The following AUTS2 variants were observed in gnomAD, a reference collection of about 807,000 sequenced individuals.
AUTS2 encodes the protein autism susceptibility gene 2 protein.
AUTS2 carries 17 observed loss-of-function variants against 112.4 expected under a neutral mutation model. That is an observed-to-expected ratio of 0.15 (90% CI 0.10 to 0.23). The LOEUF (loss-of-function observed/expected upper bound fraction) is 0.23. Among genes scored for constraint, AUTS2 ranks in the 10% least tolerant of loss-of-function variants. The probability of loss-of-function intolerance (pLI) is 1.00; values close to 1 mark genes in which losing one functional copy is unlikely to be tolerated. For synonymous variants in AUTS2, 751 were observed against 702.7 expected (o/e 1.07, Z -1.09); for missense variants, 1,510 against 1,701.6 (o/e 0.89, Z 1.98).
chr7:69,599,761 C>T lies in AUTS2; in HGVS notation c.108C>T (p.Gly36=). 7.3e-7 allele frequency: 1 copy of T among 1,377,438 alleles called. No individual in the cohort carries two copies. Among genetic ancestry groups the T allele is most frequent in the East Asian group, 3.1e-5 (1 of 32,610 alleles). The allele number at this position is 1,377,438 out of a possible 1,614,324, so 85.3% of individuals were successfully genotyped here. Residue 36 remains glycine (G), a synonymous_variant, in exon 1 of 19, where the codon GGC becomes GGT. Transcript: ENST00000342771. The surrounding 1 kb of genome is among the most constrained non-coding windows in gnomAD (Gnocchi z 7.0). ...GCGGGCTGGGGGCCGGCGCGGCCGGCGGCGGCGGGGCTGGCCGGACCCGGG... is the reference window on the plus strand; with the variant it reads ...GCGGGCTGGGGGCCGGCGCGGCCGGTGGCGGCGGGGCTGGCCGGACCCGGG... The part of the protein sequence containing the change: ...SRGGLGAGAA[G]GGGAGRTRAL...
At chr7:70,086,387 A>G (rs1803601842) in intron 2 of AUTS2, among the ~76,000 whole-genome samples, 1 of 152,194 alleles carries the variant, frequency 6.6e-6, no homozygotes, top group Non-Finnish European at 1.5e-5. Flanking sequence ...CACGCCTGTA[A>G]TCCTAGCACT....
intron 5 of AUTS2, among the ~76,000 whole-genome samples, chr7:70,668,964 A>G: frequency 6.6e-6 from 1 of 152,224 alleles, no homozygotes; most frequent in South Asian, 2.1e-4. Flanking sequence ...GCAATCCCTT[A>G]CAGGCGAAGA....
intron 6 of AUTS2, among the ~76,000 whole-genome samples, chr7:70,711,424 C>T (rs1370714123): frequency 6.6e-6 from 1 of 152,178 alleles, no homozygotes; most frequent in Non-Finnish European, 1.5e-5. Flanking sequence ...CACCTGAGGG[C>T]CTCATTATGC....
chr7:70,590,881 C>T (rs1802910836), intron 5 of AUTS2, among the ~76,000 whole-genome samples: 1 of 152,142 alleles, frequency 6.6e-6, no homozygotes, highest in South Asian at 2.1e-4. Flanking sequence ...TTTCAGAGTG[C>T]CATCGGTTTC....
At chr7:70,740,623 A>T (rs1163499243) in intron 6 of AUTS2, among the ~76,000 whole-genome samples, 1 of 152,082 alleles carries the variant, frequency 6.6e-6, no homozygotes, top group Non-Finnish European at 1.5e-5. Context: ...CTGCTTATTG[A>T]TAGTTTATTA....
At chr7:70,356,916 CGAAGG>C (rs1792037828) in intron 4 of AUTS2, among the ~76,000 whole-genome samples, 1 of 152,096 alleles carries the variant, frequency 6.6e-6, no homozygotes, top group Non-Finnish European at 1.5e-5. Context: ...TAGAATTTCA[CGAAGG>C]TTTTCCTGTT....
chr7:69,683,749 C>A (rs975372757), intron 1 of AUTS2, among the ~76,000 whole-genome samples: 4 of 151,156 alleles, frequency 2.6e-5, no homozygotes, highest in African/African-American at 9.7e-5. Flanking sequence ...AAAAAAAAAC[C>A]AAAAAACAAA....
intron 1 of AUTS2, among the ~76,000 whole-genome samples, chr7:69,870,780 A>AT (rs970333913): frequency 9.2e-5 from 14 of 151,862 alleles, no homozygotes; most frequent in Non-Finnish European, 1.5e-4. Flanking sequence ...AATATAAAAT[A>AT]TTTTTCTTCT....
intron 4 of AUTS2, among the ~76,000 whole-genome samples, chr7:70,345,447 G>A (rs1192422408): frequency 1.3e-5 from 2 of 151,906 alleles, no homozygotes; most frequent in Admixed American, 6.6e-5. Flanking sequence ...TTTATATGTG[G>A]CCTCTTAAAA....
chr7:70,612,218 G>C (rs1804129771), intron 5 of AUTS2, among the ~76,000 whole-genome samples: 1 of 152,120 alleles, frequency 6.6e-6, no homozygotes, highest in Non-Finnish European at 1.5e-5. Flanking sequence ...TTCTGTGTTT[G>C]AACCATCTCA....
chr7:70,576,207 A>G (rs1369982685), intron 5 of AUTS2, among the ~76,000 whole-genome samples: 1 of 152,152 alleles, frequency 6.6e-6, no homozygotes, highest in Non-Finnish European at 1.5e-5. Context: ...AGTGAGCCTC[A>G]GTTTCCCCTC....
At chr7:70,170,157 G>GT (rs1446733715) in intron 4 of AUTS2, among the ~76,000 whole-genome samples, 2 of 142,212 alleles carry the variant, frequency 1.4e-5, no homozygotes, top group African/African-American at 5.3e-5. Context: ...CTAAATGCAA[G>GT]TATTTTTTTT....
rs528428795 is a variant in AUTS2 at position 69,999,293 on chromosome 7, A to G, written c.522+99795A>G. Among the ~76,000 whole-genome samples, 69 of 152,278 alleles carry G rather than the reference A, an allele frequency of 4.5e-4. 3 individuals are homozygous for G. Among genetic ancestry groups the G allele is most frequent in the Admixed American group, 4.4e-3 (68 of 15,286 alleles). ...ATGTATGTTGCCTGAATCTGAAGGC[A>G]TGGATTGTAGGCCTGGTTATACCAC... On this transcript the variant is annotated intron_variant, in intron 2 of 18. Coordinates refer to ENST00000342771, the MANE Select transcript of AUTS2 (RefSeq NM_015570.4).
chr7:70,781,921 C>T, intron 15 of AUTS2, 165 bp downstream of exon 15: 1 of 781,270 alleles, frequency 1.3e-6, no homozygotes, highest in South Asian at 1.9e-5. Flanking sequence ...AGTTGGGAAT[C>T]TTCATTGATA....
intron 4 of AUTS2, among the ~76,000 whole-genome samples, chr7:70,303,623 C>T (rs902971142): frequency 6.6e-6 from 1 of 152,268 alleles, no homozygotes; most frequent in East Asian, 1.9e-4. Flanking sequence ...TTGTGGGTTA[C>T]AGTAGTTTCA....
At chr7:70,205,281 C>G (rs1050502199) in intron 4 of AUTS2, among the ~76,000 whole-genome samples, 10 of 152,152 alleles carry the variant, frequency 6.6e-5, no homozygotes, top group African/African-American at 1.9e-4. Flanking sequence ...CTCTTAGCCT[C>G]AGGTGACCCT....
rs576710799 is a variant in AUTS2, at chr7:70,664,621, A to G, written c.691-33948A>G. Among the ~76,000 whole-genome samples the G allele has an allele frequency of 8.6e-4, 131 of 152,302 alleles. 2 individuals carry two copies. Among genetic ancestry groups the G allele is most frequent in the Admixed American group, 1.7e-3 (26 of 15,300 alleles). The stretch of plus-strand genomic sequence containing the variant: ...AAAGGAAAACATTTTGGAAACAAGC[A>G]CTTTCTTCCAGAAACTGTGGTTTCC... On this transcript the variant is annotated intron_variant, in intron 5 of 18. Transcript: ENST00000342771.
At position 69,687,898 on chromosome 7, in the gene AUTS2, A is replaced by G. The variant is rs1276951149; in HGVS notation, c.309+87936A>G. Reference sequence around the variant, plus strand: ...ACCCTGCCACTTTCTTCCCTCTCTGAAAACACAAAAGAGGATTAAGCCATA... The same window carrying G: ...ACCCTGCCACTTTCTTCCCTCTCTGGAAACACAAAAGAGGATTAAGCCATA... On this transcript the variant is annotated intron_variant, in intron 1 of 18. Transcript: ENST00000342771. 3.3e-5 allele frequency among the ~76,000 whole-genome samples: 5 copies of G among 152,142 alleles called. No homozygotes were observed. In the South Asian group the frequency reaches 6.2e-4, roughly 19 times the overall value.
At chr7:70,727,404 C>T (rs1220097566) in intron 6 of AUTS2, among the ~76,000 whole-genome samples, 1 of 152,164 alleles carries the variant, frequency 6.6e-6, no homozygotes, top group African/African-American at 2.4e-5. Context: ...GGCTGGAGTG[C>T]AATGGTGCAG....
Sources: allele counts gnomAD v4.1 joint callset (sites outside exome capture counted in the v4.1 genomes callset), GRCh38; gene constraint gnomAD v4.1.1; non-coding constraint Gnocchi (gnomAD v3.1); transcripts MANE v1.5; gene names NCBI Gene and HGNC (gene_info 2026-07-23, HGNC 2026-07-21).